Variants in SH3KBP1 observed in about 807,000 individuals in gnomAD.
SH3KBP1 encodes SH3 domain-containing kinase-binding protein 1.
A neutral mutation model predicts 50.1 loss-of-function variants in SH3KBP1; 8 were observed. The ratio of observed to expected loss-of-function variants is 0.16; its 90% CI spans 0.09 to 0.29. The LOEUF (loss-of-function observed/expected upper bound fraction) is 0.29. SH3KBP1 is among the 10% of genes least tolerant of loss of function. The pLI, the probability that SH3KBP1 is intolerant of heterozygous loss-of-function variation, is 1.00. For missense variants in SH3KBP1, 377 were observed against 535.2 expected, an observed-to-expected ratio of 0.70 and a Z score of 2.92; for synonymous variants, 227 against 218.6, an observed-to-expected ratio of 1.04 and a Z score of -0.34.
At chrX:19,625,346 C>G (rs1407747060) in intron 8 of SH3KBP1, among the ~76,000 whole-genome samples, 2 of 109,988 alleles carry the variant, frequency 1.8e-5, no homozygotes, top group Non-Finnish European at 3.8e-5. Context: ...TTTTTTTGCC[C>G]CCCGACAGCG....
chrX:19,828,345 A>G, intron 2 of SH3KBP1, among the ~76,000 whole-genome samples: 1 of 111,337 alleles, frequency 9.0e-6, no homozygotes, highest in Non-Finnish European at 1.9e-5. Context: ...AATAAGTTCA[A>G]CGAAACTTTG....
At chrX:19,624,912 A>G (rs1569353708) in intron 8 of SH3KBP1, among the ~76,000 whole-genome samples, 1 of 112,378 alleles carries the variant, frequency 8.9e-6, no homozygotes, top group Non-Finnish European at 1.9e-5. Flanking sequence ...TCATTCACTC[A>G]TAAAACATGT....
chrX:19,678,173 T>C (rs2062970473), intron 6 of SH3KBP1, among the ~76,000 whole-genome samples: 2 of 111,663 alleles, frequency 1.8e-5, no homozygotes, highest in South Asian at 7.4e-4. Context: ...GACACTGAAA[T>C]AAAACGTATG....
chrX:19,590,036 G>C (rs1478717350), intron 11 of SH3KBP1, among the ~76,000 whole-genome samples: 1 of 110,842 alleles, frequency 9.0e-6, no homozygotes, highest in Non-Finnish European at 1.9e-5. Context: ...TTGAACCCAG[G>C]AGTTCGAGTC....
At chrX:19,878,677 G>A (rs1285444853) in intron 1 of SH3KBP1, among the ~76,000 whole-genome samples, 1 of 110,479 alleles carries the variant, frequency 9.1e-6, no homozygotes, top group African/African-American at 3.3e-5. Context: ...GGCTGGTCCA[G>A]GAACCCCCAG....
intron 2 of SH3KBP1, among the ~76,000 whole-genome samples, chrX:19,765,101 G>T (rs2065562926): frequency 9.6e-6 from 1 of 103,886 alleles, no homozygotes; most frequent in African/African-American, 3.6e-5. Flanking sequence ...CTTCCAAAGT[G>T]CTGGGATTAC....
intron 1 of SH3KBP1, among the ~76,000 whole-genome samples, chrX:19,866,653 G>C (rs2068916891): frequency 9.4e-6 from 1 of 106,226 alleles, no homozygotes; most frequent in Non-Finnish European, 1.9e-5. Flanking sequence ...TCACACCACT[G>C]CACTCTAGCC....
chrX:19,598,948 T>A (rs147943301), intron 9 of SH3KBP1, among the ~76,000 whole-genome samples: 2 of 112,131 alleles, frequency 1.8e-5, no homozygotes, highest in African/African-American at 6.5e-5. Context: ...ATAGCGCCAG[T>A]AGGTTTGCTC....
intron 2 of SH3KBP1, among the ~76,000 whole-genome samples, chrX:19,764,115 G>T (rs760055754): frequency 9.3e-6 from 1 of 107,077 alleles, no homozygotes; most frequent in African/African-American, 3.4e-5. Context: ...TTTCCCACCT[G>T]CTCCCCACTT....
chrX:19,818,079 A>G (rs1464013585), intron 2 of SH3KBP1, among the ~76,000 whole-genome samples: 2 of 112,473 alleles, frequency 1.8e-5, no homozygotes, highest in African/African-American at 6.5e-5. Context: ...CTACGTTTGT[A>G]TAAGTATACT....
chrX:19,547,546 C>A (rs1358408945), intron 14 of SH3KBP1, among the ~76,000 whole-genome samples: 1 of 112,142 alleles, frequency 8.9e-6, no homozygotes, highest in Non-Finnish European at 1.9e-5. Context: ...AATCCAATTA[C>A]CTAGAATAAC....
chrX:19,558,051 T>A (rs1397616753), intron 13 of SH3KBP1, among the ~76,000 whole-genome samples: 2 of 112,155 alleles, frequency 1.8e-5, no homozygotes, highest in Non-Finnish European at 3.8e-5. Context: ...ACATTTGCAT[T>A]CCTTTAAAAA....
At chrX:19,870,143 C>G (rs1404240426) in intron 1 of SH3KBP1, among the ~76,000 whole-genome samples, 1 of 111,903 alleles carries the variant, frequency 8.9e-6, no homozygotes, top group African/African-American at 3.3e-5. Context: ...TTTTATAAAA[C>G]TAAAAACAAG....
rs60109180 is a variant in SH3KBP1, at chrX:19,634,031, G to GGTGTGTGT, written c.803-2081_803-2074dup. ...GAGAGGCTGTTAGATTTTGTTCCCT[G>GGTGTGTGT]GTGTGTGTGTGTGTGTGTGTGTGTG... On this transcript the variant is annotated intron_variant, in intron 7 of 17. Coordinates refer to ENST00000397821, the MANE Select transcript of SH3KBP1 (RefSeq NM_031892.3). Among the ~76,000 whole-genome samples, 176 of 32,154 alleles carry GGTGTGTGT rather than the reference G, an allele frequency of 5.5e-3. 1 individual carries two copies. The highest frequency in any genetic ancestry group is 9.8e-3 in the African/African-American group (85 of 8,656). The allele number at this position is 32,154 out of a possible 115,157, so 27.9% of individuals were successfully genotyped here.
At chrX:19,547,821 C>T (rs1472105772) in intron 14 of SH3KBP1, among the ~76,000 whole-genome samples, 1 of 112,229 alleles carries the variant, frequency 8.9e-6, no homozygotes, top group Non-Finnish European at 1.9e-5. Context: ...AGGAATACGC[C>T]CATATCCACT....
chrX:19,819,507 G>GATTATT (rs765516941), intron 2 of SH3KBP1, among the ~76,000 whole-genome samples: 2 of 109,797 alleles, frequency 1.8e-5, no homozygotes, highest in East Asian at 5.8e-4. Flanking sequence ...CTAATTTTTT[G>GATTATT]ATTATTATTA....
At chrX:19,543,035 A>G (rs1412218730) in intron 15 of SH3KBP1, among the ~76,000 whole-genome samples, 2 of 112,165 alleles carry the variant, frequency 1.8e-5, no homozygotes, top group Non-Finnish European at 3.8e-5. Flanking sequence ...GGTTGGACCC[A>G]GGCAGTGGCT....
intron 3 of SH3KBP1, among the ~76,000 whole-genome samples, chrX:19,717,612 T>C (rs1048145789): frequency 9.0e-6 from 1 of 111,478 alleles, no homozygotes; most frequent in Admixed American, 9.5e-5. Context: ...GTCAATGCCA[T>C]CTGGAATTGT....
intron 1 of SH3KBP1, among the ~76,000 whole-genome samples, chrX:19,847,076 G>T (rs2068385055): frequency 9.0e-6 from 1 of 111,711 alleles, no homozygotes; most frequent in South Asian, 3.7e-4. Context: ...CAGCATGGTT[G>T]GGGGTGGGCA....
Sources: allele counts gnomAD v4.1 joint callset (sites outside exome capture counted in the v4.1 genomes callset), GRCh38; gene constraint gnomAD v4.1.1; transcripts MANE v1.5; gene names NCBI Gene and HGNC (gene_info 2026-07-23, HGNC 2026-07-21).